The following GMDS variants were observed in gnomAD, a reference collection of about 807,000 sequenced individuals.
The protein encoded by GMDS is GDP-mannose 4,6-dehydratase, also known as GDP-mannose 4,6 dehydratase.
In GMDS, 20 loss-of-function variants were observed where a neutral mutation model predicts 49.9. The ratio of observed to expected loss-of-function variants is 0.40; its 90% CI spans 0.28 to 0.58. The LOEUF (loss-of-function observed/expected upper bound fraction) is 0.58. GMDS is among the 20% of genes least tolerant of loss of function. The pLI is 0.42. For missense variants in GMDS, 362 were observed against 481.4 expected (o/e 0.75, Z 2.32); for synonymous variants, 177 against 178.6 (o/e 0.99, Z 0.07).
chr6:2,186,760 G>A (rs573677058), intron 1 of GMDS, among the ~76,000 whole-genome samples: 35 of 152,214 alleles, frequency 2.3e-4, no homozygotes, highest in Non-Finnish European at 2.2e-4. Context: ...GTGAAGAACT[G>A]AAATTACTGA....
At chr6:2,051,770 A>G (rs948674430) in intron 4 of GMDS, among the ~76,000 whole-genome samples, 1 of 152,190 alleles carries the variant, frequency 6.6e-6, no homozygotes, top group African/African-American at 2.4e-5. Flanking sequence ...AGCTAAAGTG[A>G]TAATTGTGTT....
chr6:1,933,664 T>C (rs2127248312), intron 6 of GMDS, among the ~76,000 whole-genome samples: 1 of 152,358 alleles, frequency 6.6e-6, no homozygotes, highest in Non-Finnish European at 1.5e-5. Context: ...CACTTGTATA[T>C]CAATTTTGGA....
intron 9 of GMDS, among the ~76,000 whole-genome samples, chr6:1,655,059 CAAAAAA>C (rs66508419): frequency 8.5e-6 from 1 of 117,322 alleles, no homozygotes; most frequent in African/African-American, 3.4e-5. Context: ...GATACCGTCT[CAAAAAA>C]AAAAAAAAAA....
intron 1 of GMDS, among the ~76,000 whole-genome samples, chr6:2,218,211 G>C (rs1221203353): frequency 2.0e-5 from 3 of 152,132 alleles, no homozygotes; most frequent in Non-Finnish European, 2.9e-5. Context: ...CAGAGAAAAA[G>C]AGGAAAAGAA....
At chr6:1,871,367 TTTTG>T (rs1451207247) in intron 7 of GMDS, among the ~76,000 whole-genome samples, 5 of 152,228 alleles carry the variant, frequency 3.3e-5, no homozygotes, top group Admixed American at 3.3e-4. Context: ...AGAACATTAA[TTTTG>T]AAATGACGTC....
intron 7 of GMDS, among the ~76,000 whole-genome samples, chr6:1,820,104 A>G (rs1770832974): frequency 6.6e-6 from 1 of 152,102 alleles, no homozygotes; most frequent in Admixed American, 6.5e-5. Context: ...ATAGTTTATA[A>G]ATACATATTT....
At chr6:2,148,731 T>C (rs1009969940) in intron 1 of GMDS, among the ~76,000 whole-genome samples, 1 of 152,236 alleles carries the variant, frequency 6.6e-6, no homozygotes, top group Non-Finnish European at 1.5e-5. Flanking sequence ...GAAGTTAGTC[T>C]TGATGGAAGG....
intron 4 of GMDS, among the ~76,000 whole-genome samples, chr6:2,046,060 C>G (rs1385245315): frequency 1.3e-5 from 2 of 151,972 alleles, no homozygotes; most frequent in East Asian, 1.9e-4. Flanking sequence ...AATGTAAAAA[C>G]AAGCCAGGAG....
chr6:1,749,496 G>A (rs1436373084), intron 7 of GMDS, among the ~76,000 whole-genome samples: 1 of 152,034 alleles, frequency 6.6e-6, no homozygotes, highest in African/African-American at 2.4e-5. Context: ...GGGAGGCTGA[G>A]GCACAAGAAT....
chr6:1,757,114 T>A (rs1767979580), intron 7 of GMDS, among the ~76,000 whole-genome samples: 1 of 152,342 alleles, frequency 6.6e-6, no homozygotes. Context: ...ATTATTCTTG[T>A]CTCTAATATA....
chr6:1,729,797 AT>A (rs1263565078), intron 8 of GMDS, among the ~76,000 whole-genome samples: 5 of 152,258 alleles, frequency 3.3e-5, no homozygotes, highest in African/African-American at 1.2e-4. Flanking sequence ...AATTTTTAAA[AT>A]AAATTGTTGG....
At chr6:2,177,525 C>T (rs548696937) in intron 1 of GMDS, among the ~76,000 whole-genome samples, 1 of 152,172 alleles carries the variant, frequency 6.6e-6, no homozygotes, top group Admixed American at 6.5e-5. Flanking sequence ...TCTGAAATGC[C>T]AGATTGGTTC....
intron 4 of GMDS, among the ~76,000 whole-genome samples, chr6:2,114,207 A>G (rs1269169091): frequency 6.6e-6 from 1 of 152,212 alleles, no homozygotes. Flanking sequence ...CAGCTCCTAG[A>G]GGTGATAAAC....
chr6:2,065,570 G>A (rs1444843040), intron 4 of GMDS, among the ~76,000 whole-genome samples: 2 of 152,168 alleles, frequency 1.3e-5, no homozygotes, highest in African/African-American at 2.4e-5. Context: ...ACAGAGAAGT[G>A]CTTAAAGGAG....
At chr6:1,857,074 G>T (rs1420953978) in intron 7 of GMDS, among the ~76,000 whole-genome samples, 6 of 152,200 alleles carry the variant, frequency 3.9e-5, no homozygotes, top group African/African-American at 1.2e-4. Flanking sequence ...CAGAGGGAAT[G>T]AGCACCAGCA....
chr6:1,814,644 A>G (rs1770580308), intron 7 of GMDS, among the ~76,000 whole-genome samples: 1 of 152,234 alleles, frequency 6.6e-6, no homozygotes, highest in Non-Finnish European at 1.5e-5. Flanking sequence ...TTATGAAGAA[A>G]TATCACATGG....
intron 8 of GMDS, 101 bp downstream of exon 8, chr6:1,742,367 G>C: frequency 1.4e-6 from 1 of 703,190 alleles, no homozygotes; most frequent in Non-Finnish European, 2.6e-6. Flanking sequence ...TGCTCTTCAG[G>C]AGAGTGAAGG....
At chr6:2,012,840 A>T (rs1356153291) in intron 4 of GMDS, among the ~76,000 whole-genome samples, 2 of 152,160 alleles carry the variant, frequency 1.3e-5, no homozygotes, top group Non-Finnish European at 2.9e-5. Flanking sequence ...AAGAGCTCCA[A>T]GACAGTCTTT....
chr6:1,695,169 G>T (rs1052804079), intron 9 of GMDS, among the ~76,000 whole-genome samples: 2 of 152,134 alleles, frequency 1.3e-5, no homozygotes. Flanking sequence ...AGGAAAGCTC[G>T]TCTGCACAAT....
Sources: gnomAD v4.1 joint callset for allele counts (sites outside exome capture counted in the v4.1 genomes callset) on GRCh38, gnomAD v4.1.1 for gene constraint, MANE v1.5 for transcripts, NCBI Gene and HGNC (gene_info 2026-07-23, HGNC 2026-07-21) for gene names.